Variants in ZNF285 observed in about 807,000 individuals in gnomAD.
The protein encoded by ZNF285 is zinc finger protein 285.
ZNF285 carries 4 observed loss-of-function variants against 6.2 expected under a neutral mutation model. The observed-to-expected ratio is 0.65, with a 90% confidence interval of 0.32 to 1.49. The LOEUF is 1.49. Among genes scored for constraint, ZNF285 ranks in the 40% most tolerant of loss-of-function variants. The probability of loss-of-function intolerance (pLI) is 0.07; values close to 1 mark genes in which losing one functional copy is unlikely to be tolerated. For missense variants in ZNF285, 695 were observed against 708.8 expected (o/e 0.98, Z 0.22); for synonymous variants, 240 against 245.8 (o/e 0.98, Z 0.22).
chr19:44,387,393 G>T lies in ZNF285; in HGVS notation c.852C>A (p.Gly284=), dbSNP rs778986174. 1.5e-5 allele frequency: 24 copies of T among 1,614,122 alleles called. No individual in the cohort carries two copies. The South Asian group carries it at 2.5e-4, about 17-fold the overall frequency. Residue 284 remains glycine, a synonymous_variant, in exon 4 of 4, where the codon GGC becomes GGA. Transcript: ENST00000614994. The stretch of plus-strand genomic sequence containing the variant: ...ATTCGTGGAATTCATAGGGAGTCTT[G>T]CCAGAGTGAGTTTTACAATGAACGA... ...DLIVHCKTHS[G]KTPYEFHEWP... is the part of the protein sequence containing the mutation.
At chr19:44,397,114 A>G in intron 2 of ZNF285, 85 bp downstream of exon 2, 1 of 1,600,598 alleles carries the variant, frequency 6.2e-7, no homozygotes, top group Admixed American at 1.7e-5. Context: ...TCACTCAAAA[A>G]ATGCTGACCT....
Position 44,387,274 on chromosome 19 carries a change from C to T in ZNF285, c.971G>A (p.Gly324Asp). ...GTGAAGGGAAGAGCTGCGCCTGAAG[C>T]CCTTGCCACATTCTTTACATTTGTA... ...KPYKCKECGK[G>D]FRRSSSLHNH... The change falls in exon 4 of 4, where the codon GGC becomes GAC. Residue 324 changes from glycine (G) to aspartate (D), a missense_variant. Coordinates refer to ENST00000614994, the MANE Select transcript of ZNF285 (RefSeq NM_152354.6). 7.4e-6 allele frequency: 12 copies of T among 1,614,168 alleles called. No homozygotes were observed. The highest frequency in any genetic ancestry group is 1.0e-5 in the Non-Finnish European group (12 of 1,180,022).
Position 44,383,079 on chromosome 19 carries a change from T to C in ZNF285, c.*3393A>G, listed in dbSNP as rs910496243. ...TTTATAAAAGACTCTTACATAGTAA[T>C]GCTATGAATTTTCACATGCCAATTT... On this transcript the variant is annotated 3_prime_UTR_variant, in exon 4 of 4. Coordinates refer to ENST00000614994, the MANE Select transcript of ZNF285 (RefSeq NM_152354.6). 1 of 152,238 alleles carries C rather than the reference T, an allele frequency of 6.6e-6. No individual in the cohort carries two copies. The highest frequency in any genetic ancestry group is 1.5e-5 in the Non-Finnish European group (1 of 68,042). 9.4% of individuals were successfully genotyped at this position (152,238 alleles called of 1,614,324 possible).
intron 2 of ZNF285, among the ~76,000 whole-genome samples, chr19:44,396,172 C>A (rs1971277340): frequency 6.6e-6 from 1 of 151,978 alleles, no homozygotes; most frequent in South Asian, 2.1e-4. Flanking sequence ...AAACCAATAC[C>A]ATGTGAAATA....
chr19:44,386,687 C>CT lies in ZNF285; in HGVS notation c.1557dup (p.Gly520ArgfsTer9), dbSNP rs1390209653. 1 of 1,614,040 alleles carries CT rather than the reference C, an allele frequency of 6.2e-7. No individual in the cohort carries two copies. Among genetic ancestry groups the CT allele is most frequent in the East Asian group, 2.2e-5 (1 of 44,886 alleles). ...TTAAGATCTGAATTCCGGCTGAAGC[C>CT]TTTACCACACTCATCACATTTATAT... On this transcript the variant is annotated frameshift_variant, in exon 4 of 4. Transcript: ENST00000614994. LOFTEE classifies it low-confidence loss of function (END_TRUNC).
intron 1 of ZNF285, among the ~76,000 whole-genome samples, chr19:44,399,675 TCTGGCTTCAGACACTAC>T (rs1305874868): frequency 1.3e-5 from 2 of 151,706 alleles, no homozygotes; most frequent in Non-Finnish European, 2.9e-5. Context: ...TTCCTGAATT[TCTGGCTTCAGACACTAC>T]CTGCCTGTAT....
At position 44,388,118 on chromosome 19, in the gene ZNF285, G is replaced by T; in HGVS notation, c.143-16C>A. 2 of 1,601,690 alleles carry T rather than the reference G, an allele frequency of 1.2e-6. No individual in the cohort carries two copies. Among genetic ancestry groups the T allele is most frequent in the Non-Finnish European group, 1.7e-6 (2 of 1,174,010 alleles). Reference sequence around the variant, plus strand: ...ATCCCGTCTCCTAGGAGAAGAAAGAGAATTTGGCTAAGAGAACAAGTCAAT... The same window carrying T: ...ATCCCGTCTCCTAGGAGAAGAAAGATAATTTGGCTAAGAGAACAAGTCAAT... On this transcript the variant is annotated splice_polypyrimidine_tract_variant and intron_variant, in intron 3 of 3. Transcript: ENST00000614994.
Position 44,387,951 on chromosome 19 carries a change from A to G in ZNF285, c.294T>C (p.Cys98=), listed in dbSNP as rs1359470284. ...GGGAAACATCTTCTAAATGTGGGGA[A>G]CACTCTTCTTGAAGGTTCACGATAT... ...QDYIVNLQEE[C]SPHLEDVSLS... Residue 98 remains cysteine (C), a synonymous_variant, in exon 4 of 4, where the codon TGT becomes TGC. Transcript: ENST00000614994. 7.4e-6 allele frequency: 12 copies of G among 1,614,184 alleles called. No individual in the cohort carries two copies. The highest frequency in any genetic ancestry group is 1.1e-5 in the South Asian group (1 of 91,084).
At chr19:44,390,927 G>A (rs1481400771) in intron 3 of ZNF285, among the ~76,000 whole-genome samples, 9 of 151,874 alleles carry the variant, frequency 5.9e-5, no homozygotes, top group South Asian at 2.1e-4. Flanking sequence ...AGGCTGAGGC[G>A]GGTGGATCAC....
At chr19:44,399,671 A>G (rs1971343826) in intron 1 of ZNF285, among the ~76,000 whole-genome samples, 2 of 151,718 alleles carry the variant, frequency 1.3e-5, no homozygotes, top group South Asian at 4.2e-4. Context: ...TGGTTTCCTG[A>G]ATTTCTGGCT....
At chr19:44,397,168 A>G in intron 2 of ZNF285, 31 bp downstream of exon 2, 2 of 1,613,818 alleles carry the variant, frequency 1.2e-6, no homozygotes, top group Non-Finnish European at 1.7e-6. Flanking sequence ...AATGAACAGC[A>G]TATTTAAAGA....
At position 44,387,479 on chromosome 19, in the gene ZNF285, C is replaced by G. The variant is rs1433309031; in HGVS notation, c.766G>C (p.Gly256Arg). 3.1e-6 allele frequency: 5 copies of G among 1,613,888 alleles called. No homozygotes were observed. Among genetic ancestry groups the G allele is most frequent in the Non-Finnish European group, 4.2e-6 (5 of 1,179,956 alleles). Residue 256 changes from glycine to arginine, a missense_variant, in exon 4 of 4, where the codon GGA becomes CGA. Gly to Arg is a moderately radical substitution (Grantham distance 125, BLOSUM62 -2). Transcript: ENST00000614994. ...DPHVHHSTHL[G>R]EKSYKCDQYG... ...TGGTCACATTTATAAGATTTTTCTC[C>G]TAGGTGAGTGCTGTGATGGACATGA...
rs1444913252 is a variant in ZNF285 at position 44,392,339 on chromosome 19, C to A, written c.142+1G>T. On this transcript the variant is annotated splice_donor_variant, in intron 3 of 3. Transcript: ENST00000614994. LOFTEE classifies it high-confidence loss of function. ...CAGTGGTCTCATGCTCAGTTACTCA[C>A]TCACTAACATGAGGTTCCTGAAGTT... 3 of 1,613,740 alleles carry A rather than the reference C, an allele frequency of 1.9e-6. No individual in the cohort carries two copies. The African/African-American group carries it at 4.0e-5, about 22-fold the overall frequency.
chr19:44,387,080 C>A lies in ZNF285; in HGVS notation c.1165G>T (p.Val389Phe), dbSNP rs376376411. 23 of 1,614,038 alleles carry A rather than the reference C, an allele frequency of 1.4e-5. No individual in the cohort carries two copies. The Admixed American group carries it at 3.7e-4, about 26-fold the overall frequency. Residue 389 changes from valine (V) to phenylalanine (F), a missense_variant, in exon 4 of 4, where the codon GTC becomes TTC. Physicochemically the swap from Val to Phe is conservative, Grantham distance 50 (BLOSUM62 -1). Coordinates refer to ENST00000614994, the MANE Select transcript of ZNF285 (RefSeq NM_152354.6). ...TCTCCAGTGTGGACTCTCTGATGGA[C>A]AAGAAGGTTGGAGCTCTGATCAAAG... ...KGFDQSSNLL[V>F]HQRVHTGEKP...
chr19:44,387,140 T>A lies in ZNF285; in HGVS notation c.1105A>T (p.Lys369Ter), dbSNP rs755016704. Residue 369 changes from lysine (K) to a stop codon, truncating the protein, a stop_gained, in exon 4 of 4, where the codon AAA (lysine) becomes TAA (stop). Coordinates refer to ENST00000614994, the MANE Select transcript of ZNF285 (RefSeq NM_152354.6). LOFTEE classifies it low-confidence loss of function (END_TRUNC). ...LCIHQGVHTG[K>*]KPYKCEECGK... ...CACTCTTCACATTTATAGGGCTTTT[T>A]CCCTGTGTGTACTCCCTGATGAATA... 4 of 1,613,798 alleles carry A rather than the reference T, an allele frequency of 2.5e-6. No homozygotes were observed. The African/African-American group carries it at 5.3e-5, about 22-fold the overall frequency.
At chr19:44,394,415 A>T (rs10403510) in intron 2 of ZNF285, 14,611 of 431,092 alleles carry the variant, frequency 0.034, 1,001 homozygotes, top group African/African-American at 0.15. Flanking sequence ...GTATAATAAA[A>T]AAAAAAGAAG....
rs1330632241 is a variant in ZNF285, at chr19:44,384,014, G to A, written c.*2458C>T. The A allele has an allele frequency of 6.6e-6, 1 of 152,176 alleles. No homozygotes were observed. Among genetic ancestry groups the A allele is most frequent in the East Asian group, 1.9e-4 (1 of 5,190 alleles). 9.4% of individuals were successfully genotyped at this position (152,176 alleles called of 1,614,324 possible). ...CACTGAGGGCTGATTCTGTCATGAA[G>A]GAATGTTGCACCCATTCTAAACCCC... On this transcript the variant is annotated 3_prime_UTR_variant, in exon 4 of 4. Coordinates refer to ENST00000614994, the MANE Select transcript of ZNF285 (RefSeq NM_152354.6).
At chr19:44,399,445 A>T (rs2123292713) in intron 1 of ZNF285, among the ~76,000 whole-genome samples, 1 of 146,106 alleles carries the variant, frequency 6.8e-6, no homozygotes, top group Admixed American at 6.8e-5. Context: ...CTTGGTAAGG[A>T]TCTTATCATT....
chr19:44,392,167 G>T (rs1430402585), intron 3 of ZNF285, 173 bp downstream of exon 3: 2 of 1,464,868 alleles, frequency 1.4e-6, no homozygotes, highest in Non-Finnish European at 1.8e-6. Context: ...ATCACAAGGG[G>T]CCAGATCTGT....
Sources: gnomAD v4.1 joint callset for allele counts (sites outside exome capture counted in the v4.1 genomes callset) on GRCh38, gnomAD v4.1.1 for gene constraint, MANE v1.5 for transcripts, NCBI Gene and HGNC (gene_info 2026-07-23, HGNC 2026-07-21) for gene names.